The following SLC9A9 variants were observed in gnomAD, a reference collection of about 807,000 sequenced individuals.
The protein encoded by SLC9A9 is solute carrier family 9 member A9, also known as sodium/hydrogen exchanger 9.
SLC9A9 carries 62 observed loss-of-function variants against 77.8 expected under a neutral mutation model. That is an observed-to-expected ratio of 0.80 (90% CI 0.65 to 0.98). The LOEUF (loss-of-function observed/expected upper bound fraction) is 0.98, where lower values mean the gene tolerates loss of function less well. Ranked by LOEUF, SLC9A9 falls within the 50% of genes least tolerant of loss-of-function variation. The probability of loss-of-function intolerance (pLI) is 0.00; values close to 1 mark genes in which losing one functional copy is unlikely to be tolerated. For synonymous variants in SLC9A9, 320 were observed against 283.5 expected, an observed-to-expected ratio of 1.13 and a Z score of -1.29; for missense variants, 775 against 774.9, an observed-to-expected ratio of 1.00 and a Z score of 0.00.
intron 5 of SLC9A9, among the ~76,000 whole-genome samples, chr3:143,674,749 T>C (rs1019115106): frequency 6.6e-6 from 1 of 152,108 alleles, no homozygotes; most frequent in African/African-American, 2.4e-5. Context: ...AACTATATGA[T>C]AAGGGAAGTT....
At chr3:143,774,882 C>T (rs554943230) in intron 4 of SLC9A9, among the ~76,000 whole-genome samples, 4 of 152,308 alleles carry the variant, frequency 2.6e-5, no homozygotes, top group East Asian at 1.9e-4. Flanking sequence ...CTCAACTGCT[C>T]GGTTGCCTCC....
intron 12 of SLC9A9, among the ~76,000 whole-genome samples, chr3:143,451,206 C>T (rs1322139297): frequency 2.6e-5 from 4 of 151,814 alleles, no homozygotes; most frequent in Admixed American, 2.6e-4. Context: ...TTCATCCAAA[C>T]ATTTCTGTAG....
intron 4 of SLC9A9, among the ~76,000 whole-genome samples, chr3:143,773,253 A>C (rs928225081): frequency 2.0e-5 from 3 of 152,118 alleles, no homozygotes; most frequent in African/African-American, 7.2e-5. Flanking sequence ...ACAATGGCCA[A>C]TTTCAAGCTA....
intron 2 of SLC9A9, among the ~76,000 whole-genome samples, chr3:143,817,452 G>A (rs911460024): frequency 6.6e-6 from 1 of 152,136 alleles, no homozygotes; most frequent in African/African-American, 2.4e-5. Context: ...CCGGCCAAAA[G>A]TTTATTTTAT....
chr3:143,371,343 G>A (rs1480306630), intron 13 of SLC9A9, among the ~76,000 whole-genome samples: 1 of 152,144 alleles, frequency 6.6e-6, no homozygotes, highest in East Asian at 1.9e-4. Flanking sequence ...CCCTAAAACC[G>A]AGGATGAAAT....
At chr3:143,573,975 T>G in intron 8 of SLC9A9, 113 bp downstream of exon 8, 1 of 858,140 alleles carries the variant, frequency 1.2e-6, no homozygotes, top group South Asian at 1.4e-5. Context: ...ACCATTCACA[T>G]GCACTATTTA....
At position 143,483,259 on chromosome 3, in the gene SLC9A9, T is replaced by A. The variant is rs78528490; in HGVS notation, c.1315+10394A>T. On this transcript the variant is annotated intron_variant, in intron 11 of 15. Transcript: ENST00000316549. ...GTGAGAAATTCAGTGTGGACCCTGATAGTCACTTCATTCAGTTTCATTGGC... is the reference window on the plus strand; with the variant it reads ...GTGAGAAATTCAGTGTGGACCCTGAAAGTCACTTCATTCAGTTTCATTGGC... Among the ~76,000 whole-genome samples the A allele has an allele frequency of 6.0e-3, 918 of 152,308 alleles. 10 individuals are homozygous for A. Among genetic ancestry groups the A allele is most frequent in the African/African-American group, 0.02 (845 of 41,560 alleles).
At chr3:143,297,472 G>A (rs2030319843) in intron 14 of SLC9A9, among the ~76,000 whole-genome samples, 1 of 152,180 alleles carries the variant, frequency 6.6e-6, no homozygotes, top group South Asian at 2.1e-4. Context: ...GAAGTGTGAT[G>A]TCTCCAGTTT....
intron 9 of SLC9A9, among the ~76,000 whole-genome samples, chr3:143,526,819 T>A (rs2036415133): frequency 1.3e-5 from 2 of 152,196 alleles, no homozygotes; most frequent in Admixed American, 6.5e-5. Flanking sequence ...ATTGTGAGGA[T>A]CCTGAAGTTA....
At chr3:143,336,159 T>C (rs2031914967) in intron 14 of SLC9A9, among the ~76,000 whole-genome samples, 1 of 152,116 alleles carries the variant, frequency 6.6e-6, no homozygotes, top group Non-Finnish European at 1.5e-5. Context: ...AGATGCTCAA[T>C]ATCTCTAATC....
chr3:143,807,179 C>A (rs553378902), intron 2 of SLC9A9, among the ~76,000 whole-genome samples: 15 of 152,312 alleles, frequency 9.8e-5, no homozygotes, highest in Admixed American at 7.8e-4. Flanking sequence ...CACAGTGGCT[C>A]ATGCCTGTAA....
chr3:143,371,328 C>G (rs568529862), intron 13 of SLC9A9, among the ~76,000 whole-genome samples: 15 of 152,206 alleles, frequency 9.9e-5, no homozygotes, highest in African/African-American at 3.6e-4. Flanking sequence ...AGAATAATGA[C>G]CATGCCCTAA....
chr3:143,282,267 C>A (rs1397418928), intron 14 of SLC9A9, among the ~76,000 whole-genome samples: 16 of 152,200 alleles, frequency 1.1e-4, no homozygotes, highest in Non-Finnish European at 1.5e-5. Flanking sequence ...CCCCCCCAAA[C>A]CCACAACCCA....
At chr3:143,466,674 C>T (rs2035285501) in intron 12 of SLC9A9, among the ~76,000 whole-genome samples, 1 of 152,228 alleles carries the variant, frequency 6.6e-6, no homozygotes, top group African/African-American at 2.4e-5. Context: ...ATAGATTTCT[C>T]TGTATCAGTC....
At chr3:143,524,647 A>G (rs1281065957) in intron 9 of SLC9A9, among the ~76,000 whole-genome samples, 1 of 152,152 alleles carries the variant, frequency 6.6e-6, no homozygotes, top group East Asian at 1.9e-4. Context: ...GTTTAGTTAG[A>G]TTTCTTAAGA....
chr3:143,376,172 C>T (rs930314825), intron 13 of SLC9A9, among the ~76,000 whole-genome samples: 18 of 152,174 alleles, frequency 1.2e-4, no homozygotes, highest in African/African-American at 2.9e-4. Flanking sequence ...GTGAAGGGAA[C>T]GATTCCAAGG....
chr3:143,621,551 G>A (rs1291992815), intron 6 of SLC9A9, among the ~76,000 whole-genome samples: 3 of 152,186 alleles, frequency 2.0e-5, no homozygotes, highest in African/African-American at 7.2e-5. Flanking sequence ...TGCAGCTGAG[G>A]GTCCTGACTG....
chr3:143,408,067 C>A (rs2034018138), intron 12 of SLC9A9, among the ~76,000 whole-genome samples: 1 of 152,154 alleles, frequency 6.6e-6, no homozygotes, highest in African/African-American at 2.4e-5. Context: ...TCTTTGAACA[C>A]ACATGCTGAG....
chr3:143,752,471 G>A (rs892902603), intron 4 of SLC9A9, among the ~76,000 whole-genome samples: 30 of 152,112 alleles, frequency 2.0e-4, no homozygotes, highest in Non-Finnish European at 1.9e-4. Flanking sequence ...AAAGCATAGC[G>A]GCCTCCATAG....
Sources: gnomAD v4.1 joint callset for allele counts (sites outside exome capture counted in the v4.1 genomes callset) on GRCh38, gnomAD v4.1.1 for gene constraint, MANE v1.5 for transcripts, NCBI Gene and HGNC (gene_info 2026-07-23, HGNC 2026-07-21) for gene names.